Variants in SEMA4G observed in about 807,000 individuals in gnomAD.
SEMA4G encodes semaphorin-4G.
Under a neutral mutation model 81.2 loss-of-function variants are expected in SEMA4G, and 59 were observed. The ratio of observed to expected loss-of-function variants is 0.73; its 90% CI spans 0.59 to 0.90. SEMA4G has a LOEUF of 0.90. SEMA4G is among the 40% of genes least tolerant of loss of function. The probability of loss-of-function intolerance (pLI) is 0.00; values close to 1 mark genes in which losing one functional copy is unlikely to be tolerated. For synonymous variants in SEMA4G, 404 were observed against 433.9 expected, an observed-to-expected ratio of 0.93 and a Z score of 0.86; for missense variants, 952 against 1,102.3, an observed-to-expected ratio of 0.86 and a Z score of 1.93.
At chr10:100,985,375 G>A (rs756150215), downstream of SEMA4G, 7 of 154,780 alleles carry the variant, frequency 4.5e-5, no homozygotes, top group African/African-American at 1.4e-4. Context: ...CATTCCCCTC[G>A]GGTGAGGATG....
At position 100,977,949 on chromosome 10, in the gene SEMA4G, C is replaced by A. The variant is rs1589985096; in HGVS notation, c.435+219C>A. On this transcript the variant is annotated intron_variant, in intron 4 of 13. Transcript: ENST00000370250. Reference sequence around the variant, plus strand: ...TATAGCATTTTCACTTAGCATCCTCCCCCTAATCACCTCCACCTGGCAAAC... The same window carrying A: ...TATAGCATTTTCACTTAGCATCCTCACCCTAATCACCTCCACCTGGCAAAC... The A allele has an allele frequency of 2.1e-5, 12 of 580,806 alleles. No homozygotes were observed. The South Asian group carries it at 2.5e-4, about 12-fold the overall frequency. The allele number at this position is 580,806 out of a possible 1,614,324, so 36.0% of individuals were successfully genotyped here.
intron 8 of SEMA4G, 64 bp from the exon 10 acceptor site, chr10:100,979,784 C>A: frequency 1.3e-6 from 2 of 1,588,486 alleles, no homozygotes; most frequent in South Asian, 1.1e-5. Flanking sequence ...TCAGGCTGAG[C>A]ACGAGTTGGG....
chr10:100,985,006 T>C (rs1172757131), downstream of SEMA4G: 2 of 1,223,950 alleles, frequency 1.6e-6, no homozygotes, highest in Non-Finnish European at 2.2e-6. Context: ...CCTTGCTGTC[T>C]TGGACCTGTC....
At chr10:100,970,313 G>T (rs934195812), upstream of SEMA4G, among the ~76,000 whole-genome samples, 1 of 147,474 alleles carries the variant, frequency 6.8e-6, no homozygotes, top group African/African-American at 2.5e-5. Flanking sequence ...ACTTAGCCCC[G>T]CCCCCTCCCA....
At position 100,973,025 on chromosome 10, in the gene SEMA4G, T is replaced by C; in HGVS notation, c.113T>C (p.Ile38Thr). The C allele has an allele frequency of 6.2e-7, 1 of 1,614,012 alleles. No individual in the cohort carries two copies. Among genetic ancestry groups the C allele is most frequent in the Non-Finnish European group, 8.5e-7 (1 of 1,179,992 alleles). The change falls in exon 1 of 14, where the codon ATA becomes ACA. Residue 38 changes from isoleucine (I) to threonine (T), a missense_variant. By Grantham distance (89) the Ile-to-Thr change is moderately conservative. Coordinates refer to ENST00000370250, the Ensembl canonical transcript of SEMA4G. This position sits in a 1 kb window ranked among gnomAD's most constrained non-coding sequence, Gnocchi z 5.5. ...CTAGATGCCACCCCTCGGATGACCATACCCTATGAAGGTTAGACCCTCAAC... is the reference window on the plus strand; with the variant it reads ...CTAGATGCCACCCCTCGGATGACCACACCCTATGAAGGTTAGACCCTCAAC...
exon 8 of SEMA4G, chr10:100,979,213 G>A: frequency 6.2e-7 from 1 of 1,614,178 alleles, no homozygotes; most frequent in Middle Eastern, 1.6e-4. Flanking sequence ...CTGCAGCCTG[G>A]ATGCTGAAAC....
chr10:100,981,498 G>A (rs372641934), intron 13 of SEMA4G: 67 of 1,614,012 alleles, frequency 4.2e-5, no homozygotes, highest in Middle Eastern at 1.6e-4. Context: ...GGTTCAGGAC[G>A]GTAATGGGTA....
At chr10:100,984,970 T>G, downstream of SEMA4G, 2 of 1,389,588 alleles carry the variant, frequency 1.4e-6, no homozygotes, top group Non-Finnish European at 9.5e-7. Flanking sequence ...TGCTTACATT[T>G]CCACTCACAT....
exon 1 of SEMA4G, chr10:100,972,918 G>T (rs769754047): frequency 6.2e-7 from 1 of 1,607,440 alleles, no homozygotes; most frequent in Non-Finnish European, 8.5e-7. Context: ...GGAAGATGTG[G>T]GGGAGGCTCT....
chr10:100,977,906 TA>T, intron 4 of SEMA4G, 176 bp downstream of exon 5: 1 of 606,532 alleles, frequency 1.6e-6, no homozygotes, highest in Non-Finnish European at 2.9e-6. Context: ...TTCCCCTTTG[TA>T]AAAACCATGC....
chr10:100,970,385 AG>A (rs1454374540), upstream of SEMA4G, among the ~76,000 whole-genome samples: 1 of 152,038 alleles, frequency 6.6e-6, no homozygotes, highest in Non-Finnish European at 1.5e-5. Context: ...CAATATACAT[AG>A]GGGTGGAGGA....
intron 9 of SEMA4G, 25 bp downstream of exon 10, chr10:100,980,017 T>C: frequency 6.2e-7 from 1 of 1,613,782 alleles, no homozygotes; most frequent in Non-Finnish European, 8.5e-7. Flanking sequence ...CTGGGGCCAG[T>C]GCTGAGTAGA....
At chr10:100,978,536 T>C in exon 6 of SEMA4G, 1 of 1,614,076 alleles carries the variant, frequency 6.2e-7, no homozygotes, top group Non-Finnish European at 8.5e-7. Context: ...GATGGAGGCC[T>C]CTACACAGCC....
rs748396129 is a variant in SEMA4G, at chr10:100,983,748, TACTC to T, written c.2138_2141del (p.Ser713TrpfsTer64). The T allele has an allele frequency of 1.2e-6, 2 of 1,612,958 alleles. No homozygotes were observed. The highest frequency in any genetic ancestry group is 1.7e-6 in the Non-Finnish European group (2 of 1,179,608). ...AGGCAGACGAGGGCGCCGACGGAAA[TACTC>T]ACTGGGTCGGGCCAGCCGGGCAGGA... On this transcript the variant is annotated frameshift_variant, in exon 14 of 14. Transcript: ENST00000370250. LOFTEE classifies it high-confidence loss of function.
In SEMA4G at chr10:100,978,403, T is replaced by C; in HGVS notation, c.529+15T>C. On this transcript the variant is annotated intron_variant, in intron 5 of 13. Coordinates refer to ENST00000370250, the Ensembl canonical transcript of SEMA4G. ...CCTCATCATTGGTGAGCAGGCCTTCTTCCCTATCACAGACATGGTATTTTT... is the reference window on the plus strand; with the variant it reads ...CCTCATCATTGGTGAGCAGGCCTTCCTCCCTATCACAGACATGGTATTTTT... 1 of 1,610,892 alleles carries C rather than the reference T, an allele frequency of 6.2e-7. No homozygotes were observed. Among genetic ancestry groups the C allele is most frequent in the Non-Finnish European group, 8.5e-7 (1 of 1,177,728 alleles).
chr10:100,973,574 C>G lies in SEMA4G; in HGVS notation c.301C>G (p.Gln101Glu), dbSNP rs1850694572. 3 of 1,614,172 alleles carry G rather than the reference C, an allele frequency of 1.9e-6. No individual in the cohort carries two copies. Among genetic ancestry groups the G allele is most frequent in the Non-Finnish European group, 2.5e-6 (3 of 1,180,036 alleles). The change falls in exon 3 of 14, where the codon CAA becomes GAA. Residue 101 changes from glutamine (Q) to glutamate (E), a missense_variant. Coordinates refer to ENST00000370250, the Ensembl canonical transcript of SEMA4G. This position sits in a 1 kb window ranked among gnomAD's most constrained non-coding sequence, Gnocchi z 5.5. Reference sequence around the variant, plus strand: ...CCACTGGGAAGCCTCCCCAGAGATGCAAAGCAAATGTCATCAAAAAGGGAA... The same window carrying G: ...CCACTGGGAAGCCTCCCCAGAGATGGAAAGCAAATGTCATCAAAAAGGGAA...
Position 100,973,283 on chromosome 10 carries a change from G to T in SEMA4G, c.273+6G>T. 6.8e-6 allele frequency: 11 copies of T among 1,612,142 alleles called. No homozygotes were observed. Among genetic ancestry groups the T allele is most frequent in the African/African-American group, 1.3e-5 (1 of 75,030 alleles). ...GAGATGGGGCTCACAAAGAGGTCAG[G>T]CCCTGGAACCTGGACCACCCAGAGG... On this transcript the variant is annotated splice_donor_region_variant and intron_variant, in intron 2 of 13. Coordinates refer to ENST00000370250, the Ensembl canonical transcript of SEMA4G. The surrounding 1 kb of genome is among the most constrained non-coding windows in gnomAD (Gnocchi z 5.5).
At chr10:100,984,231 C>T (rs781204292) in exon 14 of SEMA4G, 673 of 1,468,864 alleles carry the variant, frequency 4.6e-4, no homozygotes, top group Non-Finnish European at 5.8e-4. Flanking sequence ...ATTACCCCCA[C>T]TCCATACCCT....
chr10:100,981,460 A>G, intron 13 of SEMA4G: 1 of 1,614,176 alleles, frequency 6.2e-7, no homozygotes, highest in Non-Finnish European at 8.5e-7. Context: ...TCACTTCTGG[A>G]GCTTATAGCC....
Sources: allele counts gnomAD v4.1 joint callset (sites outside exome capture counted in the v4.1 genomes callset), GRCh38; gene constraint gnomAD v4.1.1; non-coding constraint Gnocchi (gnomAD v3.1); transcripts MANE v1.5; gene names NCBI Gene and HGNC (gene_info 2026-07-23, HGNC 2026-07-21).